SND1: variants seen among roughly 807,000 people sequenced by gnomAD.
SND1 encodes the protein staphylococcal nuclease domain-containing protein 1.
In SND1, 38 loss-of-function variants were observed where a neutral mutation model predicts 121.7. The observed-to-expected ratio is 0.31, with a 90% confidence interval of 0.24 to 0.41. SND1 has a LOEUF of 0.41. Among genes scored for constraint, SND1 ranks in the 10% least tolerant of loss-of-function variants. SND1 has a pLI of 1.00. For synonymous variants in SND1, 401 were observed against 447.4 expected (o/e 0.90, Z 1.31); for missense variants, 868 against 1,184.6 (o/e 0.73, Z 3.92).
intron 16 of SND1, among the ~76,000 whole-genome samples, chr7:128,035,038 G>A (rs893490135): frequency 6.6e-6 from 1 of 152,200 alleles, no homozygotes; most frequent in African/African-American, 2.4e-5. Context: ...TTTCACACAG[G>A]GAGACTGCTG....
chr7:127,690,133 T>G (rs1795888422), intron 2 of SND1, among the ~76,000 whole-genome samples: 1 of 152,118 alleles, frequency 6.6e-6, no homozygotes, highest in Non-Finnish European at 1.5e-5. Flanking sequence ...TGCTCTCAGA[T>G]TTTTTTGAAA....
At chr7:127,813,358 T>C (rs992644155) in intron 11 of SND1, among the ~76,000 whole-genome samples, 1 of 152,074 alleles carries the variant, frequency 6.6e-6, no homozygotes, top group Non-Finnish European at 1.5e-5. Context: ...ATGACTGGAG[T>C]TGCCTGTTTC....
intron 14 of SND1, among the ~76,000 whole-genome samples, chr7:127,914,432 A>G (rs1800526035): frequency 6.6e-6 from 1 of 152,120 alleles, no homozygotes; most frequent in Admixed American, 6.6e-5. Context: ...CCTTCTGATC[A>G]TGCCCTTCTT....
At chr7:127,954,867 A>G (rs1288965677) in intron 15 of SND1, among the ~76,000 whole-genome samples, 2 of 152,140 alleles carry the variant, frequency 1.3e-5, no homozygotes. Context: ...AGGGTGTTGC[A>G]CCAAGAAGTC....
rs541964639 is a variant in SND1, at chr7:127,848,856, G to A, written c.1343+4432G>A. The stretch of plus-strand genomic sequence containing the variant: ...TTTAGTCTAATCCTTTTTTCCTCTC[G>A]ATGTATGGGAAGGAGTCGCATCACA... On this transcript the variant is annotated intron_variant, in intron 12 of 23. Transcript: ENST00000354725. 9.2e-5 allele frequency among the ~76,000 whole-genome samples: 14 copies of A among 152,114 alleles called. No homozygotes were observed. In the South Asian group the frequency reaches 2.9e-3, roughly 32 times the overall value.
intron 16 of SND1, among the ~76,000 whole-genome samples, chr7:128,022,923 G>A (rs1315067362): frequency 6.6e-6 from 1 of 152,158 alleles, no homozygotes; most frequent in Admixed American, 6.5e-5. Flanking sequence ...GATAAAACCT[G>A]TGATCATCCT....
At chr7:128,048,716 A>G (rs1466107432) in intron 16 of SND1, among the ~76,000 whole-genome samples, 1 of 152,174 alleles carries the variant, frequency 6.6e-6, no homozygotes, top group Non-Finnish European at 1.5e-5. Flanking sequence ...GCGAGACGGC[A>G]GAAAGCTATT....
chr7:128,023,812 A>T (rs1803413298), intron 16 of SND1, among the ~76,000 whole-genome samples: 1 of 152,216 alleles, frequency 6.6e-6, no homozygotes, highest in South Asian at 2.1e-4. Context: ...ACTGTTATCT[A>T]GCATTTGCTA....
chr7:127,857,881 T>A, intron 12 of SND1: 1 of 1,340,558 alleles, frequency 7.5e-7, no homozygotes, highest in South Asian at 1.2e-5. Context: ...GCGTTTGGAG[T>A]TGTAGAACTG....
chr7:127,922,193 T>TTTTTTTG (rs1800728516), intron 14 of SND1, among the ~76,000 whole-genome samples: 3 of 112,400 alleles, frequency 2.7e-5, no homozygotes, highest in Non-Finnish European at 3.8e-5. Flanking sequence ...TTTTTTTTTT[T>TTTTTTTG]TTTTTTTTTT....
chr7:127,886,568 C>G (rs997697084), intron 12 of SND1, among the ~76,000 whole-genome samples: 1 of 152,116 alleles, frequency 6.6e-6, no homozygotes, highest in Non-Finnish European at 1.5e-5. Flanking sequence ...GTAATTATGA[C>G]AGACACAAAG....
rs1454844274 is a variant in SND1 at position 128,088,299 on chromosome 7, AAAAT to A, written c.2419-1188_2419-1185del. On this transcript the variant is annotated intron_variant, in intron 21 of 23. Coordinates refer to ENST00000354725, the MANE Select transcript of SND1 (RefSeq NM_014390.4). ...GTCTCTAAAAAAAAAAAAAAAAAAA[AAAAT>A]AGCTGGGTGTGGTGGCACACGCCTG... 4.4e-3 allele frequency among the ~76,000 whole-genome samples: 657 copies of A among 151,012 alleles called. 4 individuals carry two copies. Among genetic ancestry groups the A allele is most frequent in the African/African-American group, 0.015 (633 of 41,076 alleles).
intron 16 of SND1, among the ~76,000 whole-genome samples, chr7:128,018,490 G>A (rs897957780): frequency 4.6e-5 from 7 of 152,216 alleles, no homozygotes; most frequent in East Asian, 3.8e-4. Context: ...GCCTCCCTCC[G>A]TGGCCCACAT....
In SND1 at chr7:128,029,006, A is replaced by G. The variant is rs73721283; in HGVS notation, c.1779+37950A>G. ...GCCGCTTACGAAGTTTATAGAAGAC[A>G]ATCAACATGGCGGCAGCTAGCAGAG... On this transcript the variant is annotated intron_variant, in intron 16 of 23. Transcript: ENST00000354725. This position sits in a 1 kb window ranked among gnomAD's most constrained non-coding sequence, Gnocchi z 4.2. The G allele has an allele frequency of 3.1e-3, 4,922 of 1,613,414 alleles. 149 individuals are homozygous for G. In the African/African-American group the frequency reaches 0.058, roughly 19 times the overall value.
intron 2 of SND1, among the ~76,000 whole-genome samples, chr7:127,690,698 T>C (rs566504584): frequency 3.3e-5 from 5 of 152,344 alleles, no homozygotes; most frequent in African/African-American, 1.2e-4. Flanking sequence ...AAATGAATAA[T>C]GAGGAAAAGA....
chr7:127,768,160 C>T (rs1298241852), intron 10 of SND1, among the ~76,000 whole-genome samples: 2 of 152,068 alleles, frequency 1.3e-5, no homozygotes, highest in South Asian at 2.1e-4. Context: ...ACCTCATTAG[C>T]GGCCTGTCAC....
chr7:127,734,757 G>A (rs1343480343), intron 10 of SND1, among the ~76,000 whole-genome samples: 2 of 152,168 alleles, frequency 1.3e-5, no homozygotes, highest in Admixed American at 6.5e-5. Flanking sequence ...TTGTTCTGAG[G>A]CCTTACAGTA....
chr7:127,930,192 C>G (rs1032206304), intron 15 of SND1, among the ~76,000 whole-genome samples: 1 of 144,544 alleles, frequency 6.9e-6, no homozygotes, highest in Non-Finnish European at 1.5e-5. Context: ...AAAGACATAT[C>G]CCGCCGTGGT....
At chr7:127,892,801 C>G (rs976669045) in intron 13 of SND1, among the ~76,000 whole-genome samples, 2 of 151,500 alleles carry the variant, frequency 1.3e-5, no homozygotes, top group African/African-American at 4.9e-5. Context: ...TTGTCCCCCC[C>G]TCCCCACCCC....
Sources: gnomAD v4.1 joint callset for allele counts (sites outside exome capture counted in the v4.1 genomes callset) on GRCh38, gnomAD v4.1.1 for gene constraint, Gnocchi (gnomAD v3.1) non-coding constraint, MANE v1.5 for transcripts, NCBI Gene and HGNC (gene_info 2026-07-23, HGNC 2026-07-21) for gene names.